TLK2: variants seen among roughly 807,000 people sequenced by gnomAD.
TLK2 encodes tousled like kinase 2.
In TLK2, 6 loss-of-function variants were observed where a neutral mutation model predicts 117.3. The ratio of observed to expected loss-of-function variants is 0.05; its 90% CI spans 0.03 to 0.10. The LOEUF (loss-of-function observed/expected upper bound fraction) is 0.10, where lower values mean the gene tolerates loss of function less well. TLK2 is among the 10% of genes least tolerant of loss of function. The pLI is 1.00. For missense variants in TLK2, 299 were observed against 901.2 expected (o/e 0.33, Z 8.56); for synonymous variants, 257 against 316.7 (o/e 0.81, Z 2.00).
intron 2 of TLK2, among the ~76,000 whole-genome samples, chr17:62,505,571 TTTC>T (rs1236766270): frequency 6.6e-6 from 1 of 151,882 alleles, no homozygotes; most frequent in Non-Finnish European, 1.5e-5. Flanking sequence ...CAGTTGTTTT[TTTC>T]TTCTTCTTTT....
At chr17:62,505,151 T>C (rs1238652167) in intron 2 of TLK2, among the ~76,000 whole-genome samples, 1 of 152,158 alleles carries the variant, frequency 6.6e-6, no homozygotes, top group Admixed American at 6.6e-5. Context: ...TGATTTTATT[T>C]TAAAAGTACG....
At chr17:62,610,124 A>G (rs1409482445) in intron 21 of TLK2, among the ~76,000 whole-genome samples, 5 of 152,226 alleles carry the variant, frequency 3.3e-5, no homozygotes, top group Admixed American at 6.5e-5. Context: ...CTATTTCTTT[A>G]TATAACTTTT....
At chr17:62,493,189 T>C (rs773713634) in intron 2 of TLK2, among the ~76,000 whole-genome samples, 17 of 152,236 alleles carry the variant, frequency 1.1e-4, no homozygotes, top group Non-Finnish European at 7.3e-5. Flanking sequence ...TGAATTTGAC[T>C]ACTCTAGGTA....
intron 7 of TLK2, among the ~76,000 whole-genome samples, chr17:62,540,906 T>G (rs529583063): frequency 2.0e-5 from 3 of 152,324 alleles, no homozygotes; most frequent in Admixed American, 6.5e-5. Context: ...CTGCATGGTT[T>G]GTTTTCCTCC....
At chr17:62,611,359 T>C (rs927658464) in intron 21 of TLK2, among the ~76,000 whole-genome samples, 2 of 152,260 alleles carry the variant, frequency 1.3e-5, no homozygotes, top group African/African-American at 4.8e-5. Context: ...TTAATTTGTT[T>C]ATCAAACATG....
At chr17:62,498,565 G>A (rs9897688) in intron 2 of TLK2, among the ~76,000 whole-genome samples, 142,074 of 151,966 alleles carry the variant, frequency 0.93, 67,164 homozygotes, top group East Asian at 1. Flanking sequence ...AATTTTTTGT[G>A]TTTTTAGTAG....
intron 20 of TLK2, among the ~76,000 whole-genome samples, chr17:62,607,545 G>C (rs1260795796): frequency 1.3e-5 from 2 of 151,158 alleles, no homozygotes; most frequent in African/African-American, 4.9e-5. Context: ...AAAGACAAAG[G>C]AAATGGCAGC....
intron 11 of TLK2, among the ~76,000 whole-genome samples, chr17:62,566,214 G>A (rs1278962865): frequency 6.6e-6 from 1 of 151,786 alleles, no homozygotes; most frequent in Non-Finnish European, 1.5e-5. Flanking sequence ...AGGTCATGAT[G>A]AGTTGGAAGG....
At chr17:62,542,437 T>C (rs928037441) in intron 7 of TLK2, among the ~76,000 whole-genome samples, 11 of 152,246 alleles carry the variant, frequency 7.2e-5, no homozygotes, top group African/African-American at 2.7e-4. Context: ...AAGATCTGTT[T>C]ACTCCTCGTT....
intron 7 of TLK2, among the ~76,000 whole-genome samples, chr17:62,542,047 A>T (rs994459979): frequency 6.6e-6 from 1 of 152,238 alleles, no homozygotes; most frequent in Non-Finnish European, 1.5e-5. Context: ...ATGTAGAGGG[A>T]TTAGAAAAAG....
intron 15 of TLK2, among the ~76,000 whole-genome samples, chr17:62,581,826 T>C (rs1171350222): frequency 6.6e-6 from 1 of 152,180 alleles, no homozygotes; most frequent in Non-Finnish European, 1.5e-5. Flanking sequence ...TTTGTCAAAA[T>C]TTGATGTCAT....
At chr17:62,558,733 C>A (rs1292098813) in intron 9 of TLK2, among the ~76,000 whole-genome samples, 2 of 152,118 alleles carry the variant, frequency 1.3e-5, no homozygotes, top group African/African-American at 2.4e-5. Context: ...TGGTTCTGTA[C>A]AAAAACTAAC....
intron 7 of TLK2, among the ~76,000 whole-genome samples, chr17:62,543,777 G>A (rs927062368): frequency 1.3e-5 from 2 of 152,142 alleles, no homozygotes; most frequent in Admixed American, 6.6e-5. Context: ...TATTCTGTGG[G>A]TGGTCAGTTT....
In TLK2 at chr17:62,540,400, A is replaced by ATTTTTTTTTTTTTTTTTTTTTTT. The variant is rs534202077; in HGVS notation, c.531+4064_531+4086dup. Among the ~76,000 whole-genome samples the ATTTTTTTTTTTTTTTTTTTTTTT allele has an allele frequency of 1.0e-3, 20 of 19,986 alleles. 5 individuals carry two copies. The highest frequency in any genetic ancestry group is 2.9e-3 in the Non-Finnish European group (13 of 4,526). 13.1% of individuals were successfully genotyped at this position (19,986 alleles called of 152,430 possible). On this transcript the variant is annotated intron_variant, in intron 7 of 21. Coordinates refer to ENST00000346027, the MANE Select transcript of TLK2 (RefSeq NM_006852.6). ...ATTTTACCTTCAAAATATGTTCAGA[A>ATTTTTTTTTTTTTTTTTTTTTTT]TTTTTTTTTTTTTTTTTTTTTTTGA...
intron 1 of TLK2, among the ~76,000 whole-genome samples, chr17:62,480,720 AGTGGG>A (rs2071541295): frequency 6.6e-6 from 1 of 152,212 alleles, no homozygotes; most frequent in African/African-American, 2.4e-5. Flanking sequence ...CTACTTCCTG[AGTGGG>A]AAATAAATAT....
In TLK2 at chr17:62,613,709, C is replaced by G. The variant is rs1178445994; in HGVS notation, c.*1144C>G. On this transcript the variant is annotated 3_prime_UTR_variant, in exon 22 of 22. Coordinates refer to ENST00000346027, the MANE Select transcript of TLK2 (RefSeq NM_006852.6). ...CTTTTGGCAGCAAACAACCTTCCCC[C>G]CAAGCCTCTGAATTTTGTGGGTGTG... The G allele has an allele frequency of 6.6e-6, 1 of 152,184 alleles. No homozygotes were observed. The highest frequency in any genetic ancestry group is 1.5e-5 in the Non-Finnish European group (1 of 68,056). 9.4% of individuals were successfully genotyped at this position (152,184 alleles called of 1,614,324 possible). A position where few individuals can be genotyped will look rare whatever the true frequency, so the allele number is the denominator to read the frequency against.
intron 2 of TLK2, among the ~76,000 whole-genome samples, chr17:62,498,715 A>G (rs1014572873): frequency 6.6e-6 from 1 of 151,956 alleles, no homozygotes; most frequent in Non-Finnish European, 1.5e-5. Context: ...TTACTGTATT[A>G]TTACTTGGTA....
chr17:62,486,109 T>C (rs2072342499), intron 2 of TLK2, among the ~76,000 whole-genome samples: 1 of 151,536 alleles, frequency 6.6e-6, no homozygotes, highest in Non-Finnish European at 1.5e-5. Flanking sequence ...TATGGGCCAC[T>C]GCACCCGGCT....
chr17:62,519,243 T>C (rs1185354578), intron 2 of TLK2, among the ~76,000 whole-genome samples: 2 of 152,204 alleles, frequency 1.3e-5, no homozygotes, highest in African/African-American at 4.8e-5. Context: ...TTGTTTTGCC[T>C]GTGGCTATCT....
Sources: gnomAD v4.1 joint callset for allele counts (sites outside exome capture counted in the v4.1 genomes callset) on GRCh38, gnomAD v4.1.1 for gene constraint, MANE v1.5 for transcripts, NCBI Gene and HGNC (gene_info 2026-07-23, HGNC 2026-07-21) for gene names.